The following TMEM135 variants were observed in gnomAD, a reference collection of about 807,000 sequenced individuals.
TMEM135 encodes the protein transmembrane protein 135, also known as peroxisomal membrane protein 52.
In TMEM135, 30 loss-of-function variants were observed where a neutral mutation model predicts 60.3. That is an observed-to-expected ratio of 0.50 (90% CI 0.37 to 0.68). TMEM135 has a LOEUF of 0.68. Ranked by LOEUF, TMEM135 falls within the 30% of genes least tolerant of loss-of-function variation. The probability of loss-of-function intolerance (pLI) is 0.00; values close to 1 mark genes in which losing one functional copy is unlikely to be tolerated. For missense variants in TMEM135, 468 were observed against 548.8 expected, an observed-to-expected ratio of 0.85 and a Z score of 1.47; for synonymous variants, 190 against 186.7, an observed-to-expected ratio of 1.02 and a Z score of -0.14.
intron 6 of TMEM135, among the ~76,000 whole-genome samples, chr11:87,288,903 T>C (rs1420637507): frequency 6.6e-6 from 1 of 152,206 alleles, no homozygotes; most frequent in Non-Finnish European, 1.5e-5. Flanking sequence ...GGTGGGAGGA[T>C]TGTTTGAGTC....
At chr11:87,166,151 G>A (rs1432914465) in intron 5 of TMEM135, among the ~76,000 whole-genome samples, 1 of 151,470 alleles carries the variant, frequency 6.6e-6, no homozygotes, top group Non-Finnish European at 1.5e-5. Flanking sequence ...ATGTCCTTTG[G>A]CCACTTTTTG....
chr11:87,252,993 TCC>T (rs1941450820), intron 6 of TMEM135, among the ~76,000 whole-genome samples: 1 of 151,962 alleles, frequency 6.6e-6, no homozygotes, highest in African/African-American at 2.4e-5. Flanking sequence ...AGTGTTACTT[TCC>T]TCAAAACAAA....
At chr11:87,178,528 G>T (rs1184615202) in intron 5 of TMEM135, 1 of 455,676 alleles carries the variant, frequency 2.2e-6, no homozygotes, top group Non-Finnish European at 4.4e-6. Flanking sequence ...CAGGTTCAAG[G>T]GATTCTCCTG....
intron 5 of TMEM135, among the ~76,000 whole-genome samples, chr11:87,158,654 C>T (rs889267898): frequency 6.6e-6 from 1 of 151,900 alleles, no homozygotes; most frequent in Admixed American, 6.6e-5. Flanking sequence ...TTACTACAGA[C>T]GAGGTTTCAC....
intron 5 of TMEM135, among the ~76,000 whole-genome samples, chr11:87,195,943 G>A (rs1416672222): frequency 1.3e-5 from 2 of 152,128 alleles, no homozygotes; most frequent in East Asian, 1.9e-4. Flanking sequence ...AAACTTGTAT[G>A]GAATGATACC....
chr11:87,202,730 T>TTA (rs748120578), intron 5 of TMEM135, among the ~76,000 whole-genome samples: 2 of 134,412 alleles, frequency 1.5e-5, no homozygotes, highest in Non-Finnish European at 3.2e-5. Flanking sequence ...TAAAAGACTT[T>TTA]AAAAAAAAAA....
intron 4 of TMEM135, among the ~76,000 whole-genome samples, chr11:87,100,032 A>G (rs1857421292): frequency 6.6e-6 from 1 of 152,040 alleles, no homozygotes; most frequent in African/African-American, 2.4e-5. Flanking sequence ...TCGTTTTGTT[A>G]GGGTTCCCAA....
chr11:87,274,810 GTGTGTGTGTGT>G (rs1941937121), intron 6 of TMEM135, among the ~76,000 whole-genome samples: 1 of 149,970 alleles, frequency 6.7e-6, no homozygotes, highest in African/African-American at 2.5e-5. Context: ...GTGTGTGTGT[GTGTGTGTGTGT>G]GTGTGTGTTT....
intron 6 of TMEM135, among the ~76,000 whole-genome samples, chr11:87,286,426 C>T (rs1418432057): frequency 6.6e-6 from 1 of 152,228 alleles, no homozygotes; most frequent in Non-Finnish European, 1.5e-5. Context: ...TTCTCCAAGT[C>T]CCCACCCGAC....
chr11:87,245,294 G>C (rs1941240665), intron 6 of TMEM135, among the ~76,000 whole-genome samples: 1 of 148,098 alleles, frequency 6.8e-6, no homozygotes, highest in Non-Finnish European at 1.5e-5. Context: ...TTTGGAATAG[G>C]TGTGGTGTGG....
chr11:87,223,161 CTTTTT>C (rs34711550), intron 5 of TMEM135, among the ~76,000 whole-genome samples: 3 of 133,778 alleles, frequency 2.2e-5, no homozygotes, highest in Admixed American at 1.5e-4. Flanking sequence ...TTGAAAAGCA[CTTTTT>C]TTTTTTTTTT....
At chr11:87,241,615 A>G (rs10898626) in intron 6 of TMEM135, among the ~76,000 whole-genome samples, 7,146 of 152,042 alleles carry the variant, frequency 0.047, 228 homozygotes, top group East Asian at 0.16. Context: ...GTATCTAACT[A>G]TATTTTTGTA....
intron 5 of TMEM135, among the ~76,000 whole-genome samples, chr11:87,182,021 C>T (rs527560147): frequency 1.3e-5 from 2 of 149,320 alleles, no homozygotes; most frequent in Non-Finnish European, 3.0e-5. Flanking sequence ...CCTTAATATT[C>T]TTATTAAAGT....
intron 4 of TMEM135, among the ~76,000 whole-genome samples, chr11:87,153,523 A>G (rs189147395): frequency 2.5e-4 from 38 of 152,262 alleles, no homozygotes; most frequent in African/African-American, 7.9e-4. Context: ...TTTCCATTCA[A>G]ATTATCTTCT....
intron 6 of TMEM135, among the ~76,000 whole-genome samples, chr11:87,283,960 CTG>C (rs1477112117): frequency 7.5e-6 from 1 of 132,682 alleles, no homozygotes; most frequent in Non-Finnish European, 1.8e-5. Flanking sequence ...AGGGAAAAAA[CTG>C]AAAGTATTTG....
At chr11:87,112,763 G>A (rs1321750885) in intron 4 of TMEM135, among the ~76,000 whole-genome samples, 1 of 151,188 alleles carries the variant, frequency 6.6e-6, no homozygotes, top group African/African-American at 2.4e-5. Context: ...GCATGATACA[G>A]GTTCTTATCA....
At chr11:87,145,628 G>A (rs924881841) in intron 4 of TMEM135, among the ~76,000 whole-genome samples, 1 of 151,678 alleles carries the variant, frequency 6.6e-6, no homozygotes, top group African/African-American at 2.4e-5. Context: ...ATTCTGACAG[G>A]TGTGAGATGA....
chr11:87,223,656 C>T (rs913797471), intron 5 of TMEM135, among the ~76,000 whole-genome samples: 2 of 143,526 alleles, frequency 1.4e-5, no homozygotes, highest in East Asian at 2.0e-4. Context: ...ACTAAAAATA[C>T]GCACATGCAC....
intron 1 of TMEM135, among the ~76,000 whole-genome samples, chr11:87,055,871 T>C (rs1288918757): frequency 3.9e-5 from 6 of 152,096 alleles, no homozygotes; most frequent in African/African-American, 7.2e-5. Flanking sequence ...TGATTTAGAC[T>C]CCAAGAGAGG....
Sources: allele counts gnomAD v4.1 joint callset (sites outside exome capture counted in the v4.1 genomes callset), GRCh38; gene constraint gnomAD v4.1.1; transcripts MANE v1.5; gene names NCBI Gene and HGNC (gene_info 2026-07-23, HGNC 2026-07-21).